DRC4: variants seen among roughly 807,000 people sequenced by gnomAD.
The protein encoded by DRC4 is GAS-11.
At chr16:90,038,166 G>A in the DRC4 span, among the ~76,000 whole-genome samples, 1 of 152,170 alleles carries the variant, frequency 6.6e-6, no homozygotes, top group Non-Finnish European at 1.5e-5. Flanking sequence ...CATGACTTTC[G>A]TCCCCTCGAG....
chr16:90,027,637 C>T, the DRC4 span: 2 of 1,614,032 alleles, frequency 1.2e-6, 1 homozygote, highest in South Asian at 2.2e-5. Context: ...CCACCAAAGG[C>T]ACCGAAAAAG....
the DRC4 span, among the ~76,000 whole-genome samples, chr16:90,026,043 C>T: frequency 6.6e-6 from 1 of 152,018 alleles, no homozygotes; most frequent in Non-Finnish European, 1.5e-5. Flanking sequence ...CAGTTGAGCC[C>T]AGGAATTGGA....
At chr16:90,032,706 A>G in the DRC4 span, 2,039 of 1,613,186 alleles carry the variant, frequency 1.3e-3, 24 homozygotes, top group African/African-American at 0.024. Flanking sequence ...TGGTACTCCC[A>G]TTGCCCTGCA....
At chr16:90,035,987 A>G in the DRC4 span, 2 of 1,123,060 alleles carry the variant, frequency 1.8e-6, no homozygotes, top group South Asian at 1.8e-5. Context: ...TTCTTAAAAT[A>G]GTCTTCTCCA....
chr16:90,043,925 G>T, the DRC4 span: 1 of 435,708 alleles, frequency 2.3e-6, no homozygotes, highest in Non-Finnish European at 4.8e-6. Flanking sequence ...TAACTCCCTC[G>T]GTAGGTGATG....
chr16:90,020,410 C>T, the DRC4 span, among the ~76,000 whole-genome samples: 2 of 152,144 alleles, frequency 1.3e-5, no homozygotes, highest in African/African-American at 4.8e-5. Context: ...TGGCCTGAGG[C>T]GGTTTACCTG....
At chr16:90,036,585 A>G in the DRC4 span, 2 of 1,571,460 alleles carry the variant, frequency 1.3e-6, no homozygotes, top group Non-Finnish European at 1.7e-6. Flanking sequence ...AACTCCCTCA[A>G]GGTGCTGTGC....
At chr16:90,021,874 A>AAAAAAAAAAAAAAAAG in the DRC4 span, among the ~76,000 whole-genome samples, 3 of 127,240 alleles carry the variant, frequency 2.4e-5, no homozygotes, top group African/African-American at 2.9e-5. Context: ...AAAAAAAAAA[A>AAAAAAAAAAAAAAAAG]AAGCACCTGT....
chr16:90,024,325 G>C, the DRC4 span, among the ~76,000 whole-genome samples: 2 of 151,984 alleles, frequency 1.3e-5, no homozygotes, highest in Non-Finnish European at 2.9e-5. Flanking sequence ...TAGGTGCACC[G>C]GCCCAGTCAG....
chr16:90,039,245 T>A, the DRC4 span, among the ~76,000 whole-genome samples: 1 of 152,232 alleles, frequency 6.6e-6, no homozygotes, highest in Admixed American at 6.5e-5. Context: ...GGAGCCTTGT[T>A]TTCTGTCACA....
the DRC4 span, chr16:90,020,023 C>T: frequency 2.2e-5 from 15 of 696,862 alleles, no homozygotes; most frequent in Non-Finnish European, 3.9e-5. Context: ...TGAAACTGAC[C>T]CCCATGTCCC....
chr16:90,037,990 G>A, the DRC4 span: 5 of 742,292 alleles, frequency 6.7e-6, no homozygotes, highest in Non-Finnish European at 4.7e-6. Context: ...CTCTCCTTGT[G>A]GCCCCTGGAC....
At chr16:90,028,173 A>ATTTTTTTTTTT in the DRC4 span, among the ~76,000 whole-genome samples, 229 of 63,854 alleles carry the variant, frequency 3.6e-3, 49 homozygotes, top group Middle Eastern at 0.017. Flanking sequence ...TTAATCGTTC[A>ATTTTTTTTTTT]TTTTTTTTTT....
the DRC4 span, chr16:90,027,829 C>T: frequency 9.9e-7 from 1 of 1,007,924 alleles, no homozygotes; most frequent in Non-Finnish European, 1.5e-6. Context: ...CCCTTCTGTC[C>T]AAGCCAGAAC....
chr16:90,031,359 T>C, the DRC4 span: 3 of 1,613,566 alleles, frequency 1.9e-6, no homozygotes, highest in Admixed American at 5.0e-5. Flanking sequence ...GGAACGAAAC[T>C]ACTTCCAGCT....
the DRC4 span, among the ~76,000 whole-genome samples, chr16:90,027,111 A>C: frequency 7.2e-6 from 1 of 139,580 alleles, no homozygotes; most frequent in Non-Finnish European, 1.5e-5. Flanking sequence ...TTTGAGATGG[A>C]GTCTCACTCT....
the DRC4 span, chr16:90,043,856 G>T: frequency 4.3e-6 from 2 of 465,604 alleles, no homozygotes; most frequent in Admixed American, 4.7e-5. Flanking sequence ...TTGAGGGCTG[G>T]GTGGGTGCAG....
chr16:90,040,386 G>A, the DRC4 span: 1 of 1,611,546 alleles, frequency 6.2e-7, no homozygotes, highest in Non-Finnish European at 8.5e-7. Flanking sequence ...AGAACCTCGT[G>A]CTAGAACGCA....
the DRC4 span, chr16:90,036,835 G>A: frequency 1.6e-6 from 1 of 637,428 alleles, no homozygotes; most frequent in East Asian, 2.9e-5. Context: ...AATGAAGTGT[G>A]TTCTGGTTTG....
Sources: allele counts gnomAD v4.1 joint callset (sites outside exome capture counted in the v4.1 genomes callset), GRCh38; gene constraint gnomAD v4.1.1; transcripts MANE v1.5; gene names NCBI Gene and HGNC (gene_info 2026-07-23, HGNC 2026-07-21).